FYN: variants seen among roughly 807,000 people sequenced by gnomAD.
FYN encodes tyrosine-protein kinase Fyn.
Under a neutral mutation model 70.2 loss-of-function variants are expected in FYN, and 10 were observed. The observed-to-expected ratio is 0.14, with a 90% CI of 0.09 to 0.24. FYN has a LOEUF of 0.24. FYN is among the 10% of genes least tolerant of loss of function. The pLI, the probability that FYN is intolerant of heterozygous loss-of-function variation, is 1.00. For synonymous variants in FYN, 236 were observed against 248.6 expected (o/e 0.95, Z 0.48); for missense variants, 319 against 673.1 (o/e 0.47, Z 5.82).
chr6:111,763,381 T>C (rs914928822), intron 3 of FYN, among the ~76,000 whole-genome samples: 2 of 152,238 alleles, frequency 1.3e-5, no homozygotes, highest in African/African-American at 4.8e-5. Flanking sequence ...CTGTCTCAGA[T>C]ACTTTTTGGC....
rs1797881132 is a variant in FYN at position 111,663,869 on chromosome 6, A to T, written c.1406-1922T>A. Among the ~76,000 whole-genome samples the T allele has an allele frequency of 3.3e-5, 5 of 152,126 alleles. No homozygotes were observed. The South Asian group carries it at 1.0e-3, about 32-fold the overall frequency. On this transcript the variant is annotated intron_variant, in intron 13 of 13. Transcript: ENST00000354650. ...GAGCTGGAAGCAAGGGAGGAACTGG[A>T]GCATGCTCGGGAATGAAAGGCAGCC...
chr6:111,823,454 G>A (rs138033964), intron 2 of FYN, among the ~76,000 whole-genome samples: 1 of 152,280 alleles, frequency 6.6e-6, no homozygotes, highest in East Asian at 1.9e-4. Context: ...CACCTCAAGC[G>A]TTACGGCTTT....
chr6:111,797,906 G>A (rs1771868152), intron 2 of FYN, among the ~76,000 whole-genome samples: 1 of 151,712 alleles, frequency 6.6e-6, no homozygotes. Context: ...GGGACTACAG[G>A]CATGTGCCAC....
At chr6:111,811,057 C>T (rs1188637390) in intron 2 of FYN, among the ~76,000 whole-genome samples, 2 of 152,168 alleles carry the variant, frequency 1.3e-5, no homozygotes, top group Non-Finnish European at 2.9e-5. Context: ...GGCACAGGAG[C>T]CAACCTTGCC....
intron 1 of FYN, among the ~76,000 whole-genome samples, chr6:111,856,551 A>G (rs1299095128): frequency 6.6e-6 from 1 of 152,144 alleles, no homozygotes; most frequent in African/African-American, 2.4e-5. Flanking sequence ...ATCTATATGG[A>G]CATATGTTTT....
chr6:111,818,180 A>G (rs914389031), intron 2 of FYN, among the ~76,000 whole-genome samples: 4 of 152,188 alleles, frequency 2.6e-5, no homozygotes, highest in African/African-American at 9.7e-5. Flanking sequence ...ATTTACCCCC[A>G]AATAATCCTG....
chr6:111,718,901 T>C (rs150833701), intron 4 of FYN, among the ~76,000 whole-genome samples: 56 of 152,220 alleles, frequency 3.7e-4, no homozygotes, highest in Non-Finnish European at 7.4e-4. Flanking sequence ...ACTACACTGA[T>C]GTGTGATGTG....
intron 3 of FYN, chr6:111,759,701 A>T (rs1249291909): frequency 6.6e-6 from 1 of 152,208 alleles, no homozygotes; most frequent in Non-Finnish European, 1.5e-5. Context: ...TCTGTGTGCC[A>T]GGCACTGTTA....
intron 12 of FYN, among the ~76,000 whole-genome samples, chr6:111,687,600 G>GT (rs1799068275): frequency 1.4e-5 from 2 of 142,056 alleles, no homozygotes; most frequent in South Asian, 4.4e-4. Context: ...AAAGTGGGGT[G>GT]GGTGGGTGTG....
intron 3 of FYN, among the ~76,000 whole-genome samples, chr6:111,767,739 T>C (rs577439602): frequency 2.0e-4 from 31 of 152,258 alleles, no homozygotes; most frequent in African/African-American, 7.2e-4. Flanking sequence ...TACTCTAAGA[T>C]ACAATTGTGG....
intron 2 of FYN, among the ~76,000 whole-genome samples, chr6:111,841,818 G>T: frequency 6.6e-6 from 1 of 151,210 alleles, no homozygotes; most frequent in African/African-American, 2.4e-5. Flanking sequence ...GCAGAGGGTA[G>T]GTATATTTTT....
chr6:111,871,321 T>A (rs1458036098), intron 1 of FYN, among the ~76,000 whole-genome samples: 1 of 152,162 alleles, frequency 6.6e-6, no homozygotes, highest in Non-Finnish European at 1.5e-5. Context: ...CCTCCAAAAG[T>A]CTGTGAGTCC....
intron 3 of FYN, among the ~76,000 whole-genome samples, chr6:111,777,646 C>T (rs1771004540): frequency 6.6e-6 from 1 of 152,166 alleles, no homozygotes; most frequent in Non-Finnish European, 1.5e-5. Flanking sequence ...GCAAAACTAA[C>T]CCCAGTTGAA....
intron 3 of FYN, among the ~76,000 whole-genome samples, chr6:111,760,598 G>A (rs1802963091): frequency 6.6e-6 from 1 of 152,200 alleles, no homozygotes; most frequent in Admixed American, 6.5e-5. Context: ...GCAGTGGCGT[G>A]TGTGGGCAGG....
At chr6:111,866,336 T>C (rs1774104598) in intron 1 of FYN, among the ~76,000 whole-genome samples, 1 of 151,890 alleles carries the variant, frequency 6.6e-6, no homozygotes, top group South Asian at 2.1e-4. Flanking sequence ...AACCTCATGC[T>C]TTTGTTTTGT....
At chr6:111,842,160 C>G (rs889908428) in intron 2 of FYN, among the ~76,000 whole-genome samples, 1 of 152,212 alleles carries the variant, frequency 6.6e-6, no homozygotes, top group Admixed American at 6.5e-5. Context: ...GTTGCCTGAT[C>G]ACCAGCAGAA....
At chr6:111,692,687 C>T (rs1368067113) in intron 12 of FYN, among the ~76,000 whole-genome samples, 1 of 152,236 alleles carries the variant, frequency 6.6e-6, no homozygotes, top group African/African-American at 2.4e-5. Context: ...GAGCACACGG[C>T]TCTATTCTAG....
At chr6:111,713,799 A>G (rs809192) in intron 5 of FYN, among the ~76,000 whole-genome samples, 125,893 of 152,240 alleles carry the variant, frequency 0.83, 52,888 homozygotes, top group African/African-American at 0.95. Flanking sequence ...AAGAGTGGGT[A>G]AAATCACTTC....
chr6:111,787,032 G>A (rs1293076132), intron 2 of FYN, among the ~76,000 whole-genome samples: 2 of 152,062 alleles, frequency 1.3e-5, no homozygotes, highest in Non-Finnish European at 2.9e-5. Flanking sequence ...TCGCTCTGAT[G>A]GTAGTTTCTT....
Sources: allele counts gnomAD v4.1 joint callset (sites outside exome capture counted in the v4.1 genomes callset), GRCh38; gene constraint gnomAD v4.1.1; transcripts MANE v1.5; gene names NCBI Gene and HGNC (gene_info 2026-07-23, HGNC 2026-07-21).